PATJ: variants seen among roughly 807,000 people sequenced by gnomAD.
PATJ encodes inaD-like protein.
Under a neutral mutation model 224.9 loss-of-function variants are expected in PATJ, and 190 were observed. That is an observed-to-expected ratio of 0.84 (90% CI 0.75 to 0.95). PATJ has a LOEUF of 0.95. Among genes scored for constraint, PATJ ranks in the 40% least tolerant of loss-of-function variants. The probability of loss-of-function intolerance (pLI) is 0.00; values close to 1 mark genes in which losing one functional copy is unlikely to be tolerated. For synonymous variants in PATJ, 769 were observed against 820.3 expected (o/e 0.94, Z 1.07); for missense variants, 2,121 against 2,270.3 (o/e 0.93, Z 1.34).
At chr1:61,847,926 A>G (rs539528746) in intron 17 of PATJ, among the ~76,000 whole-genome samples, 39 of 131,802 alleles carry the variant, frequency 3.0e-4, no homozygotes, top group African/African-American at 8.5e-4. Flanking sequence ...ACATGCTGTC[A>G]TATGTATTTT....
chr1:61,929,757 C>A (rs113843551), intron 27 of PATJ, among the ~76,000 whole-genome samples: 2 of 152,130 alleles, frequency 1.3e-5, no homozygotes, highest in African/African-American at 4.8e-5. Flanking sequence ...CAGTGGCTCA[C>A]GCCTGTAATT....
At chr1:61,991,425 G>T (rs969675406) in intron 28 of PATJ, 1 of 870,914 alleles carries the variant, frequency 1.1e-6, no homozygotes, top group Non-Finnish European at 1.4e-6. Flanking sequence ...CTGAGTGTTA[G>T]ACTGCTTACT....
At position 62,017,919 on chromosome 1, in the gene PATJ, C is replaced by T. The variant is rs1646877295; in HGVS notation, c.3931C>T (p.Pro1311Ser). 1.2e-6 allele frequency: 2 copies of T among 1,611,050 alleles called. No individual in the cohort carries two copies. Among genetic ancestry groups the T allele is most frequent in the South Asian group, 1.1e-5 (1 of 90,960 alleles). The stretch of plus-strand genomic sequence containing the variant: ...TGCATCTGCCATTATTAAGACTGCC[C>T]CATCAAAGGTCAAGCTGGTTTTCAT... ...QNASAIIKTA[P>S]SKVKLVFIRN... Residue 1311 changes from proline to serine, a missense_variant, in exon 29 of 44, where the codon CCA becomes TCA. Transcript: ENST00000642238.
At chr1:61,883,822 A>C (rs1421040513) in intron 21 of PATJ, among the ~76,000 whole-genome samples, 1 of 148,182 alleles carries the variant, frequency 6.7e-6, no homozygotes, top group Non-Finnish European at 1.5e-5. Flanking sequence ...CCTTTTAAAA[A>C]TAGAAGTGAT....
At chr1:61,881,511 A>G (rs1402805015) in intron 21 of PATJ, among the ~76,000 whole-genome samples, 1 of 150,830 alleles carries the variant, frequency 6.6e-6, no homozygotes, top group East Asian at 2.0e-4. Context: ...TCCCAGGTTC[A>G]AGAGATTCTC....
rs1367836007 is a variant in PATJ at position 62,116,517 on chromosome 1, G to C, written c.4656-15G>C. On this transcript the variant is annotated splice_polypyrimidine_tract_variant and intron_variant, in intron 35 of 43. Transcript: ENST00000642238. ...TAGGTTGTGCCAATACTGCACTGCTGTATGGTATTAACAGAAATGGAAGCG... is the reference window on the plus strand; with the variant it reads ...TAGGTTGTGCCAATACTGCACTGCTCTATGGTATTAACAGAAATGGAAGCG... The C allele has an allele frequency of 7.4e-6, 12 of 1,613,584 alleles. No homozygotes were observed. The East Asian group carries it at 2.7e-4, about 36-fold the overall frequency.
intron 12 of PATJ, among the ~76,000 whole-genome samples, chr1:61,803,489 C>T (rs1179800942): frequency 3.3e-5 from 5 of 152,028 alleles, no homozygotes; most frequent in Non-Finnish European, 7.4e-5. Flanking sequence ...GTTATGTTCC[C>T]GTTTTAAATC....
rs187162384 is a variant in PATJ at position 62,113,088 on chromosome 1, T to C, written c.4462-965T>C. ...TAGCACACAAGCACTGCAGAAGTATTTAAGTTAAAGAATAAATAATTTGGC... is the reference window on the plus strand; with the variant it reads ...TAGCACACAAGCACTGCAGAAGTATCTAAGTTAAAGAATAAATAATTTGGC... On this transcript the variant is annotated intron_variant, in intron 34 of 43. Transcript: ENST00000642238. Among the ~76,000 whole-genome samples the C allele has an allele frequency of 4.6e-5, 7 of 152,312 alleles. No individual in the cohort carries two copies. The East Asian group carries it at 5.8e-4, about 13-fold the overall frequency.
rs1277521816 is a variant in PATJ, at chr1:62,090,094, CG to C, written c.4377+5448del. On this transcript the variant is annotated intron_variant, in intron 33 of 43. Transcript: ENST00000642238. ...ATAGTTTCTCTGGAGCCAAGACAGACGGTTTCTGAGATCACAGAGGGAGATC... is the reference window on the plus strand; with the variant it reads ...ATAGTTTCTCTGGAGCCAAGACAGACGTTTCTGAGATCACAGAGGGAGATC... Among the ~76,000 whole-genome samples the C allele has an allele frequency of 6.6e-5, 10 of 152,248 alleles. No individual in the cohort carries two copies. In the East Asian group the frequency reaches 1.7e-3, roughly 26 times the overall value.
intron 12 of PATJ, among the ~76,000 whole-genome samples, chr1:61,803,908 T>A (rs972853845): frequency 6.6e-6 from 1 of 152,196 alleles, no homozygotes; most frequent in Non-Finnish European, 1.5e-5. Flanking sequence ...ATTGAGCTGC[T>A]GAAAGCATAT....
At chr1:62,083,946 A>T (rs953691295) in intron 32 of PATJ, among the ~76,000 whole-genome samples, 3 of 152,142 alleles carry the variant, frequency 2.0e-5, no homozygotes, top group African/African-American at 7.2e-5. Context: ...GATTTTCATG[A>T]TGTATTTTAA....
In PATJ at chr1:62,041,637, C is replaced by CTGAAA. The variant is rs571469920; in HGVS notation, c.4032+3589_4032+3590insGAAAT. Among the ~76,000 whole-genome samples, 268 of 152,314 alleles carry CTGAAA rather than the reference C, an allele frequency of 1.8e-3. 1 individual carries two copies. The highest frequency in any genetic ancestry group is 6.2e-3 in the African/African-American group (258 of 41,562). On this transcript the variant is annotated intron_variant, in intron 30 of 43. Transcript: ENST00000642238. ...AGATAGTGGTACTATTTACTAGAGT[C>CTGAAA]TTTCAAAGAATAGCTGTTCTGAAAA... is the stretch of plus-strand genomic sequence containing the variant.
chr1:61,869,036 A>G (rs1665846238), intron 20 of PATJ, among the ~76,000 whole-genome samples: 1 of 152,210 alleles, frequency 6.6e-6, no homozygotes, highest in Non-Finnish European at 1.5e-5. Context: ...TTCTATGAGA[A>G]GAACAACTAG....
chr1:62,071,214 A>G (rs565145913), intron 31 of PATJ, among the ~76,000 whole-genome samples: 1 of 152,286 alleles, frequency 6.6e-6, no homozygotes, highest in South Asian at 2.1e-4. Context: ...GACTCTTAGC[A>G]CCGTGGTTAT....
intron 14 of PATJ, among the ~76,000 whole-genome samples, chr1:61,817,261 T>C (rs565909469): frequency 6.6e-5 from 10 of 152,340 alleles, no homozygotes; most frequent in African/African-American, 2.2e-4. Context: ...TATAAAATGC[T>C]AAATAGCAAC....
intron 33 of PATJ, chr1:62,100,419 G>A: frequency 1.4e-6 from 1 of 718,178 alleles, no homozygotes; most frequent in Non-Finnish European, 2.6e-6. Context: ...GTGAGCACAT[G>A]AGGCAGAGAG....
intron 22 of PATJ, among the ~76,000 whole-genome samples, chr1:61,888,612 A>G (rs1184645607): frequency 1.3e-5 from 2 of 152,174 alleles, no homozygotes; most frequent in Non-Finnish European, 1.5e-5. Context: ...TGAATAGTTG[A>G]ATCTGGCAGA....
At chr1:61,994,547 T>C (rs1173671926) in intron 28 of PATJ, among the ~76,000 whole-genome samples, 2 of 152,046 alleles carry the variant, frequency 1.3e-5, no homozygotes, top group Non-Finnish European at 2.9e-5. Flanking sequence ...AAAATGCATA[T>C]ACAGGATTCT....
At chr1:62,044,772 G>A (rs1652201498) in intron 30 of PATJ, among the ~76,000 whole-genome samples, 1 of 152,158 alleles carries the variant, frequency 6.6e-6, no homozygotes, top group Non-Finnish European at 1.5e-5. Flanking sequence ...GAGCAGCCTA[G>A]TAAATAAGCT....
Sources: gnomAD v4.1 joint callset for allele counts (sites outside exome capture counted in the v4.1 genomes callset) on GRCh38, gnomAD v4.1.1 for gene constraint, MANE v1.5 for transcripts, NCBI Gene and HGNC (gene_info 2026-07-23, HGNC 2026-07-21) for gene names.